The following MAGI2 variants were observed in gnomAD, a reference collection of about 807,000 sequenced individuals.
MAGI2 encodes the protein membrane associated guanylate kinase, WW and PDZ domain containing 2.
Under a neutral mutation model 133.3 loss-of-function variants are expected in MAGI2, and 35 were observed. The ratio of observed to expected loss-of-function variants is 0.26; its 90% CI spans 0.20 to 0.35. The LOEUF (loss-of-function observed/expected upper bound fraction) is 0.35. Among genes scored for constraint, MAGI2 ranks in the 10% least tolerant of loss-of-function variants. MAGI2 has a pLI of 1.00. For synonymous variants in MAGI2, 729 were observed against 710.6 expected (o/e 1.03, Z -0.41); for missense variants, 1,636 against 1,863.4 (o/e 0.88, Z 2.25).
chr7:78,558,674 A>T (rs893189922), intron 3 of MAGI2, among the ~76,000 whole-genome samples: 7 of 152,046 alleles, frequency 4.6e-5, no homozygotes, highest in African/African-American at 1.7e-4. Flanking sequence ...GGTCCTTATA[A>T]TCACCTAAGA....
chr7:78,294,675 A>G (rs939369646), intron 9 of MAGI2, among the ~76,000 whole-genome samples: 2 of 152,294 alleles, frequency 1.3e-5, no homozygotes, highest in East Asian at 1.9e-4. Context: ...TCTATCAGCA[A>G]ATTCACCAAC....
intron 1 of MAGI2, among the ~76,000 whole-genome samples, chr7:79,058,351 A>T (rs1322962487): frequency 1.3e-5 from 2 of 152,136 alleles, no homozygotes; most frequent in African/African-American, 4.8e-5. Flanking sequence ...AACTCTAAAG[A>T]AATGAGGAAC....
At chr7:78,522,520 C>G (rs183760209) in intron 3 of MAGI2, among the ~76,000 whole-genome samples, 183 of 152,210 alleles carry the variant, frequency 1.2e-3, no homozygotes, top group Non-Finnish European at 2.4e-3. Flanking sequence ...GCTGGGACTA[C>G]AGGCGTGCGC....
intron 20 of MAGI2, among the ~76,000 whole-genome samples, chr7:78,086,241 GT>G (rs5885041): frequency 0.25 from 31,258 of 126,024 alleles, 3,369 homozygotes; most frequent in East Asian, 0.53. Context: ...AATTTTTAAT[GT>G]TTTTTTTTTT....
At chr7:78,286,563 G>A (rs1796161287) in intron 9 of MAGI2, among the ~76,000 whole-genome samples, 1 of 152,138 alleles carries the variant, frequency 6.6e-6, no homozygotes, top group Admixed American at 6.6e-5. Flanking sequence ...CTTGTGTAAA[G>A]GCAAGGCATG....
At chr7:78,905,219 C>G (rs563480438) in intron 2 of MAGI2, among the ~76,000 whole-genome samples, 1 of 152,172 alleles carries the variant, frequency 6.6e-6, no homozygotes, top group Non-Finnish European at 1.5e-5. Context: ...CATGTATACT[C>G]TCTCCAAACT....
chr7:79,171,770 ATTTTTTTTT>A (rs144599296), intron 1 of MAGI2, among the ~76,000 whole-genome samples: 31 of 31,224 alleles, frequency 9.9e-4, no homozygotes, highest in East Asian at 8.5e-3. Flanking sequence ...ATATATATAT[ATTTTTTTTT>A]TTTTTTTCTT....
chr7:78,876,316 C>T (rs1226352884), intron 2 of MAGI2, among the ~76,000 whole-genome samples: 6 of 31,300 alleles, frequency 1.9e-4, no homozygotes, highest in Non-Finnish European at 3.6e-4. Flanking sequence ...AGCAAGACTC[C>T]GTCTCAAAAA....
chr7:79,345,937 T>C lies in MAGI2; in HGVS notation c.301+107083A>G, dbSNP rs73156053. Reference sequence around the variant, plus strand: ...CAAATGTGAAGAGGCGTATTAAATGTAAAAATATTACCAAATGATCTGGCA... The same window carrying C: ...CAAATGTGAAGAGGCGTATTAAATGCAAAAATATTACCAAATGATCTGGCA... On this transcript the variant is annotated intron_variant, in intron 1 of 21. Transcript: ENST00000354212. Among the ~76,000 whole-genome samples the C allele has an allele frequency of 6.7e-3, 1,027 of 152,202 alleles. 7 individuals are homozygous for C. Among genetic ancestry groups the C allele is most frequent in the Middle Eastern group, 0.034 (10 of 294 alleles).
At chr7:79,105,772 T>A (rs1251103540) in intron 1 of MAGI2, among the ~76,000 whole-genome samples, 2 of 152,212 alleles carry the variant, frequency 1.3e-5, no homozygotes, top group Middle Eastern at 3.2e-3. Flanking sequence ...AGTTGACTAT[T>A]GAGATTTAAC....
chr7:79,204,301 C>T (rs568088812), intron 1 of MAGI2, among the ~76,000 whole-genome samples: 54 of 151,770 alleles, frequency 3.6e-4, no homozygotes, highest in African/African-American at 1.2e-3. Flanking sequence ...CACCATGGGT[C>T]AGTGGATGTT....
At chr7:78,563,312 G>A (rs1476336879) in intron 3 of MAGI2, among the ~76,000 whole-genome samples, 2 of 152,154 alleles carry the variant, frequency 1.3e-5, no homozygotes, top group Non-Finnish European at 2.9e-5. Flanking sequence ...GCTACTGAAA[G>A]GACTGCTTCG....
intron 1 of MAGI2, among the ~76,000 whole-genome samples, chr7:79,359,669 AACACACACACACACACACAC>A (rs59414419): frequency 1.4e-5 from 2 of 140,030 alleles, no homozygotes; most frequent in African/African-American, 2.6e-5. Flanking sequence ...TCAAGTGGGA[AACACACACACACACACACAC>A]ACACACACAC....
At chr7:79,252,397 T>C (rs1026153578) in intron 1 of MAGI2, among the ~76,000 whole-genome samples, 7 of 151,986 alleles carry the variant, frequency 4.6e-5, no homozygotes, top group Admixed American at 3.3e-4. Context: ...TTAAAACAAT[T>C]GAACTCACGG....
At chr7:78,778,005 C>T (rs1387641776) in intron 2 of MAGI2, among the ~76,000 whole-genome samples, 1 of 152,138 alleles carries the variant, frequency 6.6e-6, no homozygotes. Flanking sequence ...CTGTACCCAG[C>T]GATCATGAAT....
chr7:79,099,373 T>C (rs570789788), intron 1 of MAGI2, among the ~76,000 whole-genome samples: 1 of 152,236 alleles, frequency 6.6e-6, no homozygotes, highest in Non-Finnish European at 1.5e-5. Context: ...ACCTATAAGA[T>C]TTTATTCATT....
chr7:78,543,618 T>C (rs1190571793), intron 3 of MAGI2, among the ~76,000 whole-genome samples: 1 of 152,218 alleles, frequency 6.6e-6, no homozygotes, highest in Non-Finnish European at 1.5e-5. Flanking sequence ...GAATAGTAAG[T>C]GAAATCAATA....
rs1049645994 is a variant in MAGI2 at position 78,081,397 on chromosome 7, G to A, written c.3568-2312C>T. Among the ~76,000 whole-genome samples the A allele has an allele frequency of 7.2e-5, 11 of 152,152 alleles. 1 individual carries two copies. The highest frequency in any genetic ancestry group is 2.7e-4 in the African/African-American group (11 of 41,416). On this transcript the variant is annotated intron_variant, in intron 20 of 21. Transcript: ENST00000354212. ...CTCAGTCTAGTTGGGAAGAAAATGG[G>A]TAAATAAGGCTATTACTACTCAATG...
chr7:78,214,804 C>G (rs1389143566), intron 10 of MAGI2, among the ~76,000 whole-genome samples: 1 of 152,166 alleles, frequency 6.6e-6, no homozygotes, highest in African/African-American at 2.4e-5. Context: ...ACTACAATAG[C>G]AAGAAATAGG....
Sources: allele counts gnomAD v4.1 joint callset (sites outside exome capture counted in the v4.1 genomes callset), GRCh38; gene constraint gnomAD v4.1.1; transcripts MANE v1.5; gene names NCBI Gene and HGNC (gene_info 2026-07-23, HGNC 2026-07-21).